Variants in DERA observed in about 807,000 individuals in gnomAD.
The protein encoded by DERA is deoxyribose-phosphate aldolase, also known as 2-deoxy-D-ribose 5-phosphate aldolase.
Under a neutral mutation model 41.1 loss-of-function variants are expected in DERA, and 15 were observed. The observed-to-expected ratio is 0.37, with a 90% confidence interval of 0.24 to 0.56. DERA has a LOEUF of 0.56. Ranked by LOEUF, DERA falls within the 20% of genes least tolerant of loss-of-function variation. DERA has a pLI of 0.81. For synonymous variants in DERA, 139 were observed against 137.4 expected, an observed-to-expected ratio of 1.01 and a Z score of -0.08; for missense variants, 396 against 403.4, an observed-to-expected ratio of 0.98 and a Z score of 0.16.
Position 15,994,565 on chromosome 12 carries a change from T to A in DERA, c.637+12129T>A, listed in dbSNP as rs1468191312. On this transcript the variant is annotated intron_variant, in intron 6 of 8. Coordinates refer to ENST00000428559, the MANE Select transcript of DERA (RefSeq NM_015954.4). The surrounding 1 kb of genome is among the most constrained non-coding windows in gnomAD (Gnocchi z 4.8). ...GCCTCCCGGGTTCACGCCATTCTCC[T>A]GCCTCAGCCTCCTGAATAGCTGGGA... Among the ~76,000 whole-genome samples, 1 of 152,204 alleles carries A rather than the reference T, an allele frequency of 6.6e-6. No homozygotes were observed. The highest frequency in any genetic ancestry group is 1.5e-5 in the Non-Finnish European group (1 of 68,034).
In DERA at chr12:15,966,802, T is replaced by A. The variant is rs1948626433; in HGVS notation, c.508+3855T>A. ...GTGGTTCTCAGATTCTGTCCCAGTG[T>A]GACTTTTCCACAACCTTGGTGTGCT... On this transcript the variant is annotated intron_variant, in intron 5 of 8. Coordinates refer to ENST00000428559, the MANE Select transcript of DERA (RefSeq NM_015954.4). This position sits in a 1 kb window ranked among gnomAD's most constrained non-coding sequence, Gnocchi z 5.1. Among the ~76,000 whole-genome samples, 1 of 152,126 alleles carries A rather than the reference T, an allele frequency of 6.6e-6. No homozygotes were observed. Among genetic ancestry groups the A allele is most frequent in the Non-Finnish European group, 1.5e-5 (1 of 68,026 alleles).
chr12:16,032,521 T>A (rs1949099239), intron 6 of DERA, 21 bp from the exon 7 acceptor site: 2 of 1,276,992 alleles, frequency 1.6e-6, no homozygotes, highest in Non-Finnish European at 2.1e-6. Context: ...TAACATGGAG[T>A]TTTTCCTCTT....
In DERA at chr12:16,008,051, C is replaced by G. The variant is rs1455388073; in HGVS notation, c.638-24491C>G. Among the ~76,000 whole-genome samples, 7 of 152,152 alleles carry G rather than the reference C, an allele frequency of 4.6e-5. No homozygotes were observed. Among genetic ancestry groups the G allele is most frequent in the African/African-American group, 1.7e-4 (7 of 41,434 alleles). On this transcript the variant is annotated intron_variant, in intron 6 of 8. Transcript: ENST00000428559. The surrounding 1 kb of genome is among the most constrained non-coding windows in gnomAD (Gnocchi z 4.8). Reference sequence around the variant, plus strand: ...TATTTTTAGTAGAGACAGAGTTTTGCCCTGTTGGCCTGGCTGGTCTTGAAC... The same window carrying G: ...TATTTTTAGTAGAGACAGAGTTTTGGCCTGTTGGCCTGGCTGGTCTTGAAC...
At position 15,975,396 on chromosome 12, in the gene DERA, G is replaced by T. The variant is rs1404399392; in HGVS notation, c.509-6912G>T. Reference sequence around the variant, plus strand: ...GGTGGTGCCAGCTGATCCATCAAGTGCAGGGTCTGCAAATTATCTCAAGCA... The same window carrying T: ...GGTGGTGCCAGCTGATCCATCAAGTTCAGGGTCTGCAAATTATCTCAAGCA... On this transcript the variant is annotated intron_variant, in intron 5 of 8. Transcript: ENST00000428559. Among the ~76,000 whole-genome samples the T allele has an allele frequency of 1.3e-5, 2 of 152,184 alleles. 1 individual carries two copies. Among genetic ancestry groups the T allele is most frequent in the South Asian group, 4.1e-4 (2 of 4,824 alleles).
chr12:15,984,315 C>G lies in DERA; in HGVS notation c.637+1879C>G, dbSNP rs111961545. Among the ~76,000 whole-genome samples the G allele has an allele frequency of 2.6e-5, 4 of 152,136 alleles. No homozygotes were observed. The highest frequency in any genetic ancestry group is 5.9e-5 in the Non-Finnish European group (4 of 68,022). Reference sequence around the variant, plus strand: ...ATACAAATGTGGTATTAGGTCATCACGCTTTGGAAGCTGTGTCCCACCCTC... The same window carrying G: ...ATACAAATGTGGTATTAGGTCATCAGGCTTTGGAAGCTGTGTCCCACCCTC... On this transcript the variant is annotated intron_variant, in intron 6 of 8. Coordinates refer to ENST00000428559, the MANE Select transcript of DERA (RefSeq NM_015954.4). This position sits in a 1 kb window ranked among gnomAD's most constrained non-coding sequence, Gnocchi z 4.5.
At chr12:15,986,933 A>G (rs1948768523) in intron 6 of DERA, among the ~76,000 whole-genome samples, 1 of 152,098 alleles carries the variant, frequency 6.6e-6, no homozygotes. Context: ...TGTTCTAAGG[A>G]TAGTTTGCTG....
chr12:15,944,195 G>T lies in DERA; in HGVS notation c.32-12741G>T, dbSNP rs934474474. On this transcript the variant is annotated intron_variant, in intron 1 of 8. Transcript: ENST00000428559. ...ATAGTGCCGCAATGAACATACATGT[G>T]CATGTGTCTTTATAGCAGCATGATT... Among the ~76,000 whole-genome samples the T allele has an allele frequency of 5.9e-5, 9 of 152,266 alleles. No individual in the cohort carries two copies. The East Asian group carries it at 1.4e-3, about 23-fold the overall frequency.
At chr12:16,023,574 T>C (rs1040588585) in intron 6 of DERA, among the ~76,000 whole-genome samples, 21 of 141,862 alleles carry the variant, frequency 1.5e-4, no homozygotes, top group African/African-American at 5.4e-4. Context: ...GCCTCCCGGG[T>C]TCACGCCATT....
At position 15,936,108 on chromosome 12, in the gene DERA, C is replaced by T. The variant is rs1316508329; in HGVS notation, c.32-20828C>T. ...CAAAAGCCACCATGTGTTTTCTTAC[C>T]AAATATTGAAGTCACACGTGGGTAT... is the stretch of plus-strand genomic sequence containing the variant. On this transcript the variant is annotated intron_variant, in intron 1 of 8. Transcript: ENST00000428559. This position sits in a 1 kb window ranked among gnomAD's most constrained non-coding sequence, Gnocchi z 4.6. Among the ~76,000 whole-genome samples the T allele has an allele frequency of 2.0e-5, 3 of 152,156 alleles. No individual in the cohort carries two copies. Among genetic ancestry groups the T allele is most frequent in the African/African-American group, 7.2e-5 (3 of 41,428 alleles).
At position 15,935,162 on chromosome 12, in the gene DERA, A is replaced by G. The variant is rs59201125; in HGVS notation, c.32-21774A>G. On this transcript the variant is annotated intron_variant, in intron 1 of 8. Transcript: ENST00000428559. This position sits in a 1 kb window ranked among gnomAD's most constrained non-coding sequence, Gnocchi z 4.8. ...AATTGAGCTGAATTTAAATACATGG[A>G]CATCCATTGCTATGATATTTTAAAG... is the stretch of plus-strand genomic sequence containing the variant. Among the ~76,000 whole-genome samples the G allele has an allele frequency of 2.6e-3, 400 of 152,304 alleles. 14 individuals carry two copies. The East Asian group carries it at 0.073, about 28-fold the overall frequency.
At chr12:16,032,480 G>A in intron 6 of DERA, 62 bp from the exon 7 acceptor site, 1 of 940,496 alleles carries the variant, frequency 1.1e-6, no homozygotes, top group Non-Finnish European at 1.5e-6. Flanking sequence ...TTCTCCCACT[G>A]ACTCAAAAGT....
Position 15,931,952 on chromosome 12 carries a change from A to T in DERA, c.31+20538A>T, listed in dbSNP as rs543507945. Reference sequence around the variant, plus strand: ...TCCGCTTCCCCTTTGACCTTTTGCCATGTTATGACTCAGCAGAAAAGCCCT... The same window carrying T: ...TCCGCTTCCCCTTTGACCTTTTGCCTTGTTATGACTCAGCAGAAAAGCCCT... On this transcript the variant is annotated intron_variant, in intron 1 of 8. Transcript: ENST00000428559. The surrounding 1 kb of genome is among the most constrained non-coding windows in gnomAD (Gnocchi z 4.6). 6.6e-6 allele frequency among the ~76,000 whole-genome samples: 1 copy of T among 152,072 alleles called. No individual in the cohort carries two copies. The highest frequency in any genetic ancestry group is 2.1e-4 in the South Asian group (1 of 4,832).
rs555592242 is a variant in DERA, at chr12:15,990,462, CT to C, written c.637+8030del. On this transcript the variant is annotated intron_variant, in intron 6 of 8. Coordinates refer to ENST00000428559, the MANE Select transcript of DERA (RefSeq NM_015954.4). The surrounding 1 kb of genome is among the most constrained non-coding windows in gnomAD (Gnocchi z 4.3). ...GTTTTGTTTTTAGTTTTATTTTTAA[CT>C]TTTAAGTTCAGGGGTACAAGTACAG... Among the ~76,000 whole-genome samples the C allele has an allele frequency of 1.2e-3, 190 of 152,082 alleles. 1 individual carries two copies. Among genetic ancestry groups the C allele is most frequent in the Middle Eastern group, 6.8e-3 (2 of 294 alleles).
At position 15,941,914 on chromosome 12, in the gene DERA, G is replaced by C. The variant is rs762113775; in HGVS notation, c.32-15022G>C. On this transcript the variant is annotated intron_variant, in intron 1 of 8. Transcript: ENST00000428559. The surrounding 1 kb of genome is among the most constrained non-coding windows in gnomAD (Gnocchi z 4.5). ...AATAGTGGGATTGCTGGATTGAATG[G>C]TAAGTTCTTTAAGGAATCCCCGTAC... 2.0e-5 allele frequency among the ~76,000 whole-genome samples: 3 copies of C among 152,128 alleles called. No individual in the cohort carries two copies. Among genetic ancestry groups the C allele is most frequent in the African/African-American group, 4.8e-5 (2 of 41,428 alleles).
Position 16,036,438 on chromosome 12 carries a change from T to C in DERA, c.900+57T>C, listed in dbSNP as rs969640627. On this transcript the variant is annotated intron_variant, in intron 8 of 8. Coordinates refer to ENST00000428559, the MANE Select transcript of DERA (RefSeq NM_015954.4). This position sits in a 1 kb window ranked among gnomAD's most constrained non-coding sequence, Gnocchi z 4.9. ...TAACAAGTGTTTTTTGAGAAAGGAA[T>C]TGAAAAGTCAAATTGAGAACTGGAG... The C allele has an allele frequency of 1.3e-6, 2 of 1,532,248 alleles. No individual in the cohort carries two copies. The highest frequency in any genetic ancestry group is 2.3e-5 in the East Asian group (1 of 43,284). The allele number at this position is 1,532,248 out of a possible 1,614,324, so 94.9% of individuals were successfully genotyped here. A position where few individuals can be genotyped will look rare whatever the true frequency, so the allele number is the denominator to read the frequency against.
At chr12:15,947,623 C>T (rs574115739) in intron 1 of DERA, among the ~76,000 whole-genome samples, 29 of 152,298 alleles carry the variant, frequency 1.9e-4, no homozygotes, top group African/African-American at 5.1e-4. Context: ...AGATGGGTCT[C>T]CTGAATACAG....
Position 16,021,679 on chromosome 12 carries a change from G to A in DERA, c.638-10863G>A, listed in dbSNP as rs1949017911. ...TTAGGAGCCCACCTCTTTCACCAGT[G>A]TGCCCTGGATGCAGGACATGGAGTC... On this transcript the variant is annotated intron_variant, in intron 6 of 8. Transcript: ENST00000428559. This position sits in a 1 kb window ranked among gnomAD's most constrained non-coding sequence, Gnocchi z 5.3. 6.6e-6 allele frequency among the ~76,000 whole-genome samples: 1 copy of A among 152,214 alleles called. No homozygotes were observed. Among genetic ancestry groups the A allele is most frequent in the Admixed American group, 6.5e-5 (1 of 15,284 alleles).
In DERA at chr12:15,994,397, A is replaced by G. The variant is rs1352372019; in HGVS notation, c.637+11961A>G. Among the ~76,000 whole-genome samples, 5 of 152,242 alleles carry G rather than the reference A, an allele frequency of 3.3e-5. No homozygotes were observed. Among genetic ancestry groups the G allele is most frequent in the Non-Finnish European group, 5.9e-5 (4 of 68,046 alleles). ...TATTCCTTTATCTGTAATTCCTAGC[A>G]TATTAACTCTTGGTTATTTATTCCT... On this transcript the variant is annotated intron_variant, in intron 6 of 8. Coordinates refer to ENST00000428559, the MANE Select transcript of DERA (RefSeq NM_015954.4). This position sits in a 1 kb window ranked among gnomAD's most constrained non-coding sequence, Gnocchi z 4.8.
rs1054325126 is a variant in DERA, at chr12:15,985,141, C to T, written c.637+2705C>T. ...ATATCTTTGTGTCCCTTTATAGTCG[C>T]CTCCACTCAGCTCACCTGCTGTCCC... On this transcript the variant is annotated intron_variant, in intron 6 of 8. Transcript: ENST00000428559. This position sits in a 1 kb window ranked among gnomAD's most constrained non-coding sequence, Gnocchi z 4.2. The T allele has an allele frequency of 1.1e-4, 17 of 152,286 alleles. No individual in the cohort carries two copies. Among genetic ancestry groups the T allele is most frequent in the Admixed American group, 1.0e-3 (16 of 15,282 alleles). 9.4% of individuals were successfully genotyped at this position (152,286 alleles called of 1,614,324 possible).
Sources: allele counts gnomAD v4.1 joint callset (sites outside exome capture counted in the v4.1 genomes callset), GRCh38; gene constraint gnomAD v4.1.1; non-coding constraint Gnocchi (gnomAD v3.1); transcripts MANE v1.5; gene names NCBI Gene and HGNC (gene_info 2026-07-23, HGNC 2026-07-21).